Variants in SLC15A2 observed in about 807,000 individuals in gnomAD.
The protein encoded by SLC15A2 is kidney H(+)/peptide cotransporter.
In SLC15A2, 77 loss-of-function variants were observed where a neutral mutation model predicts 95.5. The observed-to-expected ratio is 0.81, with a 90% CI of 0.67 to 0.97. The LOEUF is 0.97. Ranked by LOEUF, SLC15A2 falls within the 50% of genes least tolerant of loss-of-function variation. SLC15A2 has a pLI of 0.00. For missense variants in SLC15A2, 893 were observed against 874.4 expected, an observed-to-expected ratio of 1.02 and a Z score of -0.27; for synonymous variants, 306 against 306.9, an observed-to-expected ratio of 1.00 and a Z score of 0.03.
At chr3:121,922,561 T>C (rs1710027399) in intron 8 of SLC15A2, among the ~76,000 whole-genome samples, 1 of 152,222 alleles carries the variant, frequency 6.6e-6, no homozygotes, top group African/African-American at 2.4e-5. Context: ...ATTTTTTCTT[T>C]TTTGTTGTTA....
intron 1 of SLC15A2, among the ~76,000 whole-genome samples, chr3:121,895,949 C>T (rs1266906451): frequency 6.6e-6 from 1 of 152,196 alleles, no homozygotes; most frequent in Non-Finnish European, 1.5e-5. Context: ...AGGATTCCTC[C>T]CAGCATGGCA....
chr3:121,931,011 C>A, intron 18 of SLC15A2, 61 bp downstream of exon 18: 2 of 1,093,316 alleles, frequency 1.8e-6, no homozygotes, highest in South Asian at 1.3e-5. Context: ...TAAGTGCTAT[C>A]TTTGTATATA....
At chr3:121,919,430 C>T (rs967330601) in intron 7 of SLC15A2, among the ~76,000 whole-genome samples, 2 of 151,996 alleles carry the variant, frequency 1.3e-5, no homozygotes, top group Admixed American at 6.5e-5. Context: ...AGAGGGGACC[C>T]GAAGTAGGTA....
At chr3:121,924,062 A>G (rs574710145) in intron 11 of SLC15A2, among the ~76,000 whole-genome samples, 1 of 152,168 alleles carries the variant, frequency 6.6e-6, no homozygotes, top group Non-Finnish European at 1.5e-5. Flanking sequence ...GCTGAGATCA[A>G]TAAAAATGCA....
chr3:121,928,379 G>T (rs373385742), intron 14 of SLC15A2, 42 bp from the exon 15 acceptor site: 47 of 1,604,206 alleles, frequency 2.9e-5, no homozygotes, highest in Non-Finnish European at 3.7e-5. Context: ...GTATCTGAAG[G>T]ATTATTTGTT....
chr3:121,922,163 C>T (rs1445798625), intron 7 of SLC15A2, 57 bp from the exon 8 acceptor site: 6 of 1,461,346 alleles, frequency 4.1e-6, no homozygotes, highest in East Asian at 2.3e-5. Context: ...CTGCAATAAC[C>T]TTTGCACCAA....
Position 121,922,790 on chromosome 3 carries a change from C to A in SLC15A2, c.796C>A (p.Arg266Ser). The A allele has an allele frequency of 6.8e-6, 11 of 1,613,258 alleles. No homozygotes were observed. Among genetic ancestry groups the A allele is most frequent in the Non-Finnish European group, 8.5e-6 (10 of 1,179,350 alleles). Residue 266 changes from arginine (R) to serine (S), a missense_variant, in exon 9 of 22, where the codon CGT (arginine) becomes AGT (serine). Coordinates refer to ENST00000489711, the MANE Select transcript of SLC15A2 (RefSeq NM_021082.4). ...TCTGCCCTAGTTTGCTATTTCCAAT[C>A]GTTTCAAGAACCGTTCTGGAGACAT... ...FKCIWFAISN[R>S]FKNRSGDIPK... is the part of the protein sequence containing the mutation.
chr3:121,941,029 G>T lies in SLC15A2; in HGVS notation c.*22G>T. The stretch of plus-strand genomic sequence containing the variant: ...CTGATGACTCCCTAGATTCTGTCCT[G>T]ACCCCAATTCCTGGCCCTGTCTTGA... On this transcript the variant is annotated 3_prime_UTR_variant, in exon 22 of 22. Coordinates refer to ENST00000489711, the MANE Select transcript of SLC15A2 (RefSeq NM_021082.4). The T allele has an allele frequency of 1.2e-6, 2 of 1,601,876 alleles. No homozygotes were observed. Among genetic ancestry groups the T allele is most frequent in the South Asian group, 2.3e-5 (2 of 88,672 alleles).
At position 121,917,032 on chromosome 3, in the gene SLC15A2, G is replaced by A. The variant is rs1033935711; in HGVS notation, c.697+1339G>A. The stretch of plus-strand genomic sequence containing the variant: ...AGACAGGGTTTCACCGTGTTAGCCA[G>A]GATGGTCTCGATCTCCTGACCTTGT... On this transcript the variant is annotated intron_variant, in intron 7 of 21. Transcript: ENST00000489711. Among the ~76,000 whole-genome samples the A allele has an allele frequency of 2.8e-4, 42 of 152,144 alleles. 1 individual carries two copies. The highest frequency in any genetic ancestry group is 3.9e-4 in the African/African-American group (16 of 41,518).
chr3:121,919,200 G>A (rs927492977), intron 7 of SLC15A2, among the ~76,000 whole-genome samples: 1 of 152,222 alleles, frequency 6.6e-6, no homozygotes, highest in African/African-American at 2.4e-5. Flanking sequence ...CTCTCCTGTA[G>A]TCTAGCGAGC....
At chr3:121,911,969 T>TA (rs764964659) in intron 4 of SLC15A2, among the ~76,000 whole-genome samples, 7 of 152,016 alleles carry the variant, frequency 4.6e-5, no homozygotes, top group African/African-American at 7.2e-5. Flanking sequence ...TTACCAGGGT[T>TA]AAAAAAAACT....
intron 19 of SLC15A2, among the ~76,000 whole-genome samples, chr3:121,938,536 G>A (rs190963019): frequency 2.0e-5 from 3 of 151,586 alleles, no homozygotes; most frequent in East Asian, 3.9e-4. Context: ...TCCAGGTGCC[G>A]TCTGTCACCC....
chr3:121,933,471 G>T (rs867726200), intron 19 of SLC15A2, among the ~76,000 whole-genome samples: 116 of 152,000 alleles, frequency 7.6e-4, no homozygotes, highest in South Asian at 3.3e-3. Context: ...ATGTGAGATG[G>T]TATCTCATTG....
chr3:121,902,883 G>A (rs1709546998), intron 3 of SLC15A2, among the ~76,000 whole-genome samples: 1 of 152,182 alleles, frequency 6.6e-6, no homozygotes, highest in East Asian at 1.9e-4. Context: ...CCAGTAATGG[G>A]ATGGCTGGGT....
At chr3:121,917,129 A>C (rs987209032) in intron 7 of SLC15A2, among the ~76,000 whole-genome samples, 1 of 151,766 alleles carries the variant, frequency 6.6e-6, no homozygotes, top group African/African-American at 2.4e-5. Flanking sequence ...CAATTAATTT[A>C]TTTTTTCATT....
intron 3 of SLC15A2, among the ~76,000 whole-genome samples, chr3:121,903,267 T>G (rs1432999606): frequency 6.6e-6 from 1 of 152,206 alleles, no homozygotes; most frequent in Non-Finnish European, 1.5e-5. Context: ...GTCAGATGGG[T>G]AGATTGCAAA....
intron 7 of SLC15A2, among the ~76,000 whole-genome samples, chr3:121,917,009 A>G (rs1003631599): frequency 1.3e-5 from 2 of 151,850 alleles, no homozygotes; most frequent in African/African-American, 4.8e-5. Context: ...TTTAGTAGAG[A>G]CAGGGTTTCA....
chr3:121,922,360 G>A lies in SLC15A2; in HGVS notation c.780+58G>A, dbSNP rs1005163465. ...AATCAAAAGAAAGAGATGCTATGCT[G>A]AGAATATGGGCCTTCAAACGTGGGC... On this transcript the variant is annotated intron_variant, in intron 8 of 21. Coordinates refer to ENST00000489711, the MANE Select transcript of SLC15A2 (RefSeq NM_021082.4). 5 of 1,351,750 alleles carry A rather than the reference G, an allele frequency of 3.7e-6. No individual in the cohort carries two copies. The African/African-American group carries it at 4.3e-5, about 12-fold the overall frequency. The allele number at this position is 1,351,750 out of a possible 1,614,324, so 83.7% of individuals were successfully genotyped here.
intron 3 of SLC15A2, among the ~76,000 whole-genome samples, chr3:121,910,010 A>G (rs1709730442): frequency 6.6e-6 from 1 of 151,946 alleles, no homozygotes; most frequent in South Asian, 2.1e-4. Context: ...ATGATGATCT[A>G]ACATAGATCA....
Sources: gnomAD v4.1 joint callset for allele counts (sites outside exome capture counted in the v4.1 genomes callset) on GRCh38, gnomAD v4.1.1 for gene constraint, MANE v1.5 for transcripts, NCBI Gene and HGNC (gene_info 2026-07-23, HGNC 2026-07-21) for gene names.